Variants in CELF2 observed in about 807,000 individuals in gnomAD.
CELF2 encodes the protein CUG triplet repeat RNA-binding protein 2.
CELF2 carries 8 observed loss-of-function variants against 62.6 expected under a neutral mutation model. That is an observed-to-expected ratio of 0.13 (90% confidence interval 0.07 to 0.23). CELF2 has a LOEUF of 0.23. Ranked by LOEUF, CELF2 falls within the 10% of genes least tolerant of loss-of-function variation. CELF2 has a pLI of 1.00. For synonymous variants in CELF2, 258 were observed against 250.0 expected, an observed-to-expected ratio of 1.03 and a Z score of -0.30; for missense variants, 333 against 671.0, an observed-to-expected ratio of 0.50 and a Z score of 5.56.
chr10:11,210,760 G>A (rs748576182), intron 2 of CELF2, among the ~76,000 whole-genome samples: 13 of 152,230 alleles, frequency 8.5e-5, no homozygotes, highest in East Asian at 1.9e-4. Flanking sequence ...GTTGTGACTC[G>A]TTGGCATGTG....
chr10:11,186,805 C>CG (rs2075065024), intron 2 of CELF2, among the ~76,000 whole-genome samples: 1 of 152,138 alleles, frequency 6.6e-6, no homozygotes, highest in South Asian at 2.1e-4. Flanking sequence ...AATACATTTA[C>CG]GGGCCCAGGC....
rs139968368 is a variant in CELF2 at position 10,886,562 on chromosome 10, G to T, written c.54-33402G>T. Among the ~76,000 whole-genome samples the T allele has an allele frequency of 7.9e-5, 12 of 152,306 alleles. No individual in the cohort carries two copies. In the East Asian group the frequency reaches 2.3e-3, roughly 29 times the overall value. Reference sequence around the variant, plus strand: ...GCATTAAAAAAGGAAATGAAGCTGGGCATGGGACTCATGCCTGTAATCCCA... The same window carrying T: ...GCATTAAAAAAGGAAATGAAGCTGGTCATGGGACTCATGCCTGTAATCCCA... On this transcript the variant is annotated intron_variant, in intron 1 of 13. Transcript: ENST00000636488.
At chr10:11,043,403 C>T (rs948636919) in intron 1 of CELF2, among the ~76,000 whole-genome samples, 2 of 152,146 alleles carry the variant, frequency 1.3e-5, no homozygotes, top group African/African-American at 4.8e-5. Context: ...ATTCATTTTC[C>T]CATTATAAGG....
chr10:10,694,213 C>G, the CELF2 span, among the ~76,000 whole-genome samples: 1 of 151,864 alleles, frequency 6.6e-6, no homozygotes, highest in Non-Finnish European at 1.5e-5. Context: ...TATGTTGTGT[C>G]TTTGTTCTCG....
chr10:11,287,952 A>C (rs2091742838), intron 8 of CELF2, among the ~76,000 whole-genome samples: 1 of 152,168 alleles, frequency 6.6e-6, no homozygotes, highest in Non-Finnish European at 1.5e-5. Context: ...GTTTTGAGGG[A>C]CTGAGTTTAC....
At chr10:11,162,550 A>G (rs568579196) in intron 1 of CELF2, among the ~76,000 whole-genome samples, 1 of 151,048 alleles carries the variant, frequency 6.6e-6, no homozygotes, top group Non-Finnish European at 1.5e-5. Flanking sequence ...ATCTGTGGAG[A>G]TGGAGACACA....
rs1455045059 is a variant in CELF2 at position 11,268,649 on chromosome 10, C to T, written c.618+1972C>T. ...ACCAAATTTGGTGTTTAAAACTGGA[C>T]ATTCATGCTTACACAGAGGGGTCCT... is the stretch of plus-strand genomic sequence containing the variant. On this transcript the variant is annotated intron_variant, in intron 6 of 12. Coordinates refer to ENST00000633077, the MANE Select transcript of CELF2 (RefSeq NM_001326342.2). The surrounding 1 kb of genome is among the most constrained non-coding windows in gnomAD (Gnocchi z 4.7). 6.6e-6 allele frequency among the ~76,000 whole-genome samples: 1 copy of T among 152,000 alleles called. No homozygotes were observed. The highest frequency in any genetic ancestry group is 2.4e-5 in the African/African-American group (1 of 41,360).
At chr10:10,833,643 T>G (rs1234444287) in intron 1 of CELF2, among the ~76,000 whole-genome samples, 3 of 152,028 alleles carry the variant, frequency 2.0e-5, no homozygotes, top group Non-Finnish European at 4.4e-5. Context: ...AATTTAAAAG[T>G]GGATGTGAAC....
At chr10:10,881,264 G>A (rs554762796) in intron 1 of CELF2, among the ~76,000 whole-genome samples, 68 of 152,246 alleles carry the variant, frequency 4.5e-4, no homozygotes, top group Admixed American at 1.0e-3. Flanking sequence ...TGCATGGATG[G>A]TATATTTTGA....
rs941551259 is a variant in CELF2, at chr10:11,267,381, T to C, written c.618+704T>C. Among the ~76,000 whole-genome samples, 3 of 152,220 alleles carry C rather than the reference T, an allele frequency of 2.0e-5. No homozygotes were observed. Among genetic ancestry groups the C allele is most frequent in the Non-Finnish European group, 2.9e-5 (2 of 68,032 alleles). Reference sequence around the variant, plus strand: ...AACCTAGATAGATGGCTCTGTACTTTTAGTCTGTGATTTGGGTCATGGCCT... The same window carrying C: ...AACCTAGATAGATGGCTCTGTACTTCTAGTCTGTGATTTGGGTCATGGCCT... On this transcript the variant is annotated intron_variant, in intron 6 of 12. Coordinates refer to ENST00000633077, the MANE Select transcript of CELF2 (RefSeq NM_001326342.2). The surrounding 1 kb of genome is among the most constrained non-coding windows in gnomAD (Gnocchi z 4.4).
rs554719486 is a variant in CELF2, at chr10:10,875,578, G to T, written c.54-44386G>T. On this transcript the variant is annotated intron_variant, in intron 1 of 13. Coordinates refer to the CELF2 transcript ENST00000636488. Reference sequence around the variant, plus strand: ...GCTTTGTTTACTGTAGCGTAGGAGGGTTGTTTCTCCTCTTCCCTCTTTCTT... The same window carrying T: ...GCTTTGTTTACTGTAGCGTAGGAGGTTTGTTTCTCCTCTTCCCTCTTTCTT... Among the ~76,000 whole-genome samples the T allele has an allele frequency of 6.6e-5, 10 of 152,314 alleles. 1 individual carries two copies. The highest frequency in any genetic ancestry group is 2.2e-4 in the African/African-American group (9 of 41,550).
At chr10:10,738,441 T>A in the CELF2 span, among the ~76,000 whole-genome samples, 1 of 152,140 alleles carries the variant, frequency 6.6e-6, no homozygotes. Context: ...CTTGGCCAGG[T>A]GATCAACATC....
At chr10:10,695,390 G>T in the CELF2 span, among the ~76,000 whole-genome samples, 1 of 145,538 alleles carries the variant, frequency 6.9e-6, no homozygotes, top group Non-Finnish European at 1.5e-5. Flanking sequence ...TTAGTCTGAT[G>T]GGCTTCCCTT....
At chr10:11,043,269 G>T (rs931108347) in intron 1 of CELF2, among the ~76,000 whole-genome samples, 4 of 152,206 alleles carry the variant, frequency 2.6e-5, no homozygotes, top group African/African-American at 9.7e-5. Context: ...ATTAGGCAGG[G>T]CCAGGGCTGG....
Position 11,311,261 on chromosome 10 carries a change from C to A in CELF2, c.977-2878C>A, listed in dbSNP as rs1005703115. Among the ~76,000 whole-genome samples the A allele has an allele frequency of 6.6e-6, 1 of 152,190 alleles. No individual in the cohort carries two copies. Among genetic ancestry groups the A allele is most frequent in the African/African-American group, 2.4e-5 (1 of 41,452 alleles). On this transcript the variant is annotated intron_variant, in intron 9 of 12. Transcript: ENST00000633077. The surrounding 1 kb of genome is among the most constrained non-coding windows in gnomAD (Gnocchi z 4.7). ...CCATCCCTCACGTGAGTTTACAACC[C>A]AGTTTGATTGTATCTGAGTGGCCAA...
chr10:11,314,299 C>T lies in CELF2; in HGVS notation c.1096+41C>T. On this transcript the variant is annotated intron_variant, in intron 10 of 12. Transcript: ENST00000633077. This position sits in a 1 kb window ranked among gnomAD's most constrained non-coding sequence, Gnocchi z 5.3. ...AGTATTTGCTGCTCTGGTGGACAGCCTTCCCCCAAATTCTCCACAGAAAGT... is the reference window on the plus strand; with the variant it reads ...AGTATTTGCTGCTCTGGTGGACAGCTTTCCCCCAAATTCTCCACAGAAAGT... 1 of 1,613,414 alleles carries T rather than the reference C, an allele frequency of 6.2e-7. No homozygotes were observed. Among genetic ancestry groups the T allele is most frequent in the Non-Finnish European group, 8.5e-7 (1 of 1,179,344 alleles).
At chr10:10,720,398 G>A in the CELF2 span, among the ~76,000 whole-genome samples, 2 of 152,156 alleles carry the variant, frequency 1.3e-5, no homozygotes. Context: ...ACCCCCTTTG[G>A]GTGATCGCGT....
chr10:10,501,461 G>C, the CELF2 span, among the ~76,000 whole-genome samples: 1 of 151,716 alleles, frequency 6.6e-6, no homozygotes, highest in Non-Finnish European at 1.5e-5. Context: ...TTGTTTTTTT[G>C]TATTTTTCCT....
At chr10:10,969,569 T>C (rs2050533042) in intron 2 of CELF2, among the ~76,000 whole-genome samples, 1 of 152,182 alleles carries the variant, frequency 6.6e-6, no homozygotes, top group South Asian at 2.1e-4. Context: ...CTTCTCCCTG[T>C]TTCTATCTCC....
Sources: allele counts gnomAD v4.1 joint callset (sites outside exome capture counted in the v4.1 genomes callset), GRCh38; gene constraint gnomAD v4.1.1; non-coding constraint Gnocchi (gnomAD v3.1); transcripts MANE v1.5; gene names NCBI Gene and HGNC (gene_info 2026-07-23, HGNC 2026-07-21).